The following NUP214 variants were observed in gnomAD, a reference collection of about 807,000 sequenced individuals.
NUP214 encodes nucleoporin 214, also known as nuclear pore complex protein Nup214.
A neutral mutation model predicts 196.2 loss-of-function variants in NUP214; 79 were observed. The observed-to-expected ratio is 0.40, with a 90% CI of 0.34 to 0.49. The LOEUF is 0.49. Among genes scored for constraint, NUP214 ranks in the 20% least tolerant of loss-of-function variants. The probability of loss-of-function intolerance (pLI) is 0.58; values close to 1 mark genes in which losing one functional copy is unlikely to be tolerated. For synonymous variants in NUP214, 1,020 were observed against 990.5 expected (o/e 1.03, Z -0.56); for missense variants, 2,468 against 2,539.0 (o/e 0.97, Z 0.60).
chr9:131,215,897 A>ATTTTTTTT (rs768564629), intron 31 of NUP214, among the ~76,000 whole-genome samples: 1 of 123,724 alleles, frequency 8.1e-6, no homozygotes, highest in Non-Finnish European at 1.7e-5. Context: ...TCTTTAGCTA[A>ATTTTTTTT]TTTTTTTTTT....
rs139726649 is a variant in NUP214, at chr9:131,134,801, A to C, written c.832-97A>C. ...ATCTGGACTTTGAGTAAATATTCTCATATAACTTTAAATGATTTATTATTT... is the reference window on the plus strand; with the variant it reads ...ATCTGGACTTTGAGTAAATATTCTCCTATAACTTTAAATGATTTATTATTT... On this transcript the variant is annotated intron_variant, in intron 7 of 35. Transcript: ENST00000359428. 2,573 of 763,238 alleles carry C rather than the reference A, an allele frequency of 3.4e-3. 8 individuals are homozygous for C. Among genetic ancestry groups the C allele is most frequent in the Non-Finnish European group, 4.9e-3 (2,258 of 459,172 alleles). 47.3% of individuals were successfully genotyped at this position (763,238 alleles called of 1,614,324 possible).
intron 26 of NUP214, chr9:131,190,441 CTT>C: frequency 1.4e-6 from 1 of 692,288 alleles, no homozygotes; most frequent in Non-Finnish European, 2.6e-6. Context: ...GAAATCCTCT[CTT>C]TTGTTACGAG....
In NUP214 at chr9:131,139,362, A is replaced by G. The variant is rs201614000; in HGVS notation, c.1087A>G (p.Met363Val). 3.8e-5 allele frequency: 61 copies of G among 1,603,280 alleles called. No homozygotes were observed. The highest frequency in any genetic ancestry group is 5.1e-5 in the Non-Finnish European group (60 of 1,177,106). ...VTDKSDDSLP[M>V]GVVVDYTNQV... ...AGACAAGAGTGATGACTCCTTGCCC[A>G]TGGGAGTTGTCGTAGACTATACAAA... is the stretch of plus-strand genomic sequence containing the variant. The change falls in exon 10 of 36, where the codon ATG becomes GTG. Residue 363 changes from methionine to valine, a missense_variant. Physicochemically the swap from Met to Val is conservative, Grantham distance 21. Around this residue, in one of 5 missense-constraint regions of NUP214, gnomAD observed 1,801 missense variants for 1,779.4 expected, o/e 1.01. Coordinates refer to ENST00000359428, the MANE Select transcript of NUP214 (RefSeq NM_005085.4).
chr9:131,201,177 A>C (rs973820024), intron 29 of NUP214, among the ~76,000 whole-genome samples: 3 of 150,794 alleles, frequency 2.0e-5, no homozygotes, highest in African/African-American at 7.3e-5. Flanking sequence ...TTTAAAAAGA[A>C]ATAAACTTAG....
At position 131,174,841 on chromosome 9, in the gene NUP214, G is replaced by A. The variant is rs958627665; in HGVS notation, c.3157+523G>A. ...CCTTGAAAGCAGTTGCTAGGCCATT[G>A]TGAGGAAGGAGATGGCTCTCCAAGT... On this transcript the variant is annotated intron_variant, in intron 22 of 35. Coordinates refer to ENST00000359428, the MANE Select transcript of NUP214 (RefSeq NM_005085.4). 9.2e-5 allele frequency among the ~76,000 whole-genome samples: 14 copies of A among 152,314 alleles called. No homozygotes were observed. The South Asian group carries it at 1.0e-3, about 11-fold the overall frequency.
intron 17 of NUP214, among the ~76,000 whole-genome samples, chr9:131,156,883 C>G (rs1832467247): frequency 1.3e-5 from 2 of 152,164 alleles, no homozygotes; most frequent in Non-Finnish European, 2.9e-5. Context: ...ATAATAAGAT[C>G]TCTCTACAGA....
chr9:131,152,958 T>A (rs1485105139), intron 17 of NUP214, among the ~76,000 whole-genome samples: 2 of 152,080 alleles, frequency 1.3e-5, no homozygotes, highest in Non-Finnish European at 2.9e-5. Flanking sequence ...AAATTTTTTG[T>A]AGAGATGGGG....
At chr9:131,208,530 T>C (rs920966091) in intron 30 of NUP214, among the ~76,000 whole-genome samples, 4 of 151,638 alleles carry the variant, frequency 2.6e-5, no homozygotes, top group African/African-American at 9.7e-5. Flanking sequence ...ACCCTGTCTC[T>C]ATTAAAAATA....
At chr9:131,203,002 G>A (rs984232056) in intron 30 of NUP214, among the ~76,000 whole-genome samples, 1 of 151,368 alleles carries the variant, frequency 6.6e-6, no homozygotes, top group Non-Finnish European at 1.5e-5. Context: ...CCGGACTGCA[G>A]TGGTGCTATC....
Position 131,147,490 on chromosome 9 carries a change from G to A in NUP214, c.1946G>A (p.Gly649Glu), listed in dbSNP as rs748605988. 2.5e-6 allele frequency: 4 copies of A among 1,606,584 alleles called. No individual in the cohort carries two copies. The African/African-American group carries it at 4.0e-5, about 16-fold the overall frequency. Reference sequence around the variant, plus strand: ...TTTAACTGACTTCTTTTTCAAGCAGGACGATCTGCTCAGGGCAGTTCAAGC... The same window carrying A: ...TTTAACTGACTTCTTTTTCAAGCAGAACGATCTGCTCAGGGCAGTTCAAGC... ...LKSSVLPSPS[G>E]RSAQGSSSPV... Residue 649 changes from glycine to glutamate, a missense_variant and splice_region_variant, in exon 14 of 36, where the codon GGA becomes GAA. Gly to Glu is a moderately conservative substitution (Grantham distance 98, BLOSUM62 -2). Coordinates refer to ENST00000359428, the MANE Select transcript of NUP214 (RefSeq NM_005085.4).
At chr9:131,155,028 T>C (rs1020370198) in intron 17 of NUP214, among the ~76,000 whole-genome samples, 1 of 152,244 alleles carries the variant, frequency 6.6e-6, no homozygotes, top group Non-Finnish European at 1.5e-5. Context: ...GATTGCTGGA[T>C]CAAATGGTAG....
At chr9:131,190,423 C>T in intron 26 of NUP214, 1 of 692,374 alleles carries the variant, frequency 1.4e-6, no homozygotes, top group Non-Finnish European at 2.6e-6. Context: ...CCATTCATTG[C>T]TGATCATGAA....
At chr9:131,158,481 A>G (rs1209660123) in intron 17 of NUP214, among the ~76,000 whole-genome samples, 1 of 152,256 alleles carries the variant, frequency 6.6e-6, no homozygotes. Context: ...AATAAGTTAA[A>G]TAGCTAAAAT....
In NUP214 at chr9:131,144,487, C is replaced by T; in HGVS notation, c.1502C>T (p.Ser501Leu). The T allele has an allele frequency of 1.2e-6, 2 of 1,614,204 alleles. No individual in the cohort carries two copies. Among genetic ancestry groups the T allele is most frequent in the Non-Finnish European group, 1.7e-6 (2 of 1,180,010 alleles). ...GCTACGGTCACTGGGGAGCCCCCTT[C>T]ATATTCCAGTGGCTCCGACAGCTCC... ...SSATVTGEPP[S>L]YSSGSDSSKA... is the part of the protein sequence containing the mutation. Residue 501 changes from serine (S) to leucine (L), a missense_variant, in exon 12 of 36, where the codon TCA (serine) becomes TTA (leucine). Physicochemically the swap from Ser to Leu is moderately radical, Grantham distance 145. Around this residue, in one of 5 missense-constraint regions of NUP214, gnomAD observed 1,801 missense variants for 1,779.4 expected, o/e 1.01. Transcript: ENST00000359428.
chr9:131,166,108 AAT>A (rs1465670669), intron 21 of NUP214, among the ~76,000 whole-genome samples: 1 of 152,214 alleles, frequency 6.6e-6, no homozygotes, highest in Non-Finnish European at 1.5e-5. Context: ...TAAGATGGTA[AAT>A]TTTATGTTAC....
At chr9:131,162,012 G>A (rs1046573185) in intron 18 of NUP214, among the ~76,000 whole-genome samples, 2 of 151,916 alleles carry the variant, frequency 1.3e-5, no homozygotes, top group Non-Finnish European at 2.9e-5. Flanking sequence ...AGATTTTTTT[G>A]ATTTTTTTTT....
rs185615197 is a variant in NUP214 at position 131,173,157 on chromosome 9, A to G, written c.2894-898A>G. ...CTGCAACCTCCACCTGCCGGGTTCA[A>G]GCGATTCTCCTGCCTCAGCCTCCTG... On this transcript the variant is annotated intron_variant, in intron 21 of 35. Coordinates refer to ENST00000359428, the MANE Select transcript of NUP214 (RefSeq NM_005085.4). Among the ~76,000 whole-genome samples, 63 of 152,246 alleles carry G rather than the reference A, an allele frequency of 4.1e-4. 1 individual carries two copies. In the East Asian group the frequency reaches 6.4e-3, roughly 15 times the overall value.
chr9:131,173,214 G>A (rs1369805361), intron 21 of NUP214, among the ~76,000 whole-genome samples: 4 of 152,052 alleles, frequency 2.6e-5, no homozygotes, highest in Non-Finnish European at 5.9e-5. Flanking sequence ...GCACCACCAC[G>A]ACTGGCTAAT....
At chr9:131,187,441 C>A in intron 25 of NUP214, 77 bp downstream of exon 25, 1 of 1,111,120 alleles carries the variant, frequency 9.0e-7, no homozygotes, top group Non-Finnish European at 1.3e-6. Context: ...GGCTCAAGTG[C>A]AGTGGTGCGA....
Sources: gnomAD v4.1 joint callset for allele counts (sites outside exome capture counted in the v4.1 genomes callset) on GRCh38, gnomAD v4.1.1 for gene constraint, gnomAD v4.1.1 regional missense constraint, MANE v1.5 for transcripts, NCBI Gene and HGNC (gene_info 2026-07-23, HGNC 2026-07-21) for gene names.